TBC1D9: variants seen among roughly 807,000 people sequenced by gnomAD.
The protein encoded by TBC1D9 is TBC1 domain family member 9A.
In TBC1D9, 63 loss-of-function variants were observed where a neutral mutation model predicts 132.0. The ratio of observed to expected loss-of-function variants is 0.48; its 90% confidence interval spans 0.39 to 0.59. The LOEUF is 0.59. Among genes scored for constraint, TBC1D9 ranks in the 20% least tolerant of loss-of-function variants. The pLI, the probability that TBC1D9 is intolerant of heterozygous loss-of-function variation, is 0.00. For missense variants in TBC1D9, 1,261 were observed against 1,592.7 expected (o/e 0.79, Z 3.54); for synonymous variants, 610 against 609.9 (o/e 1.00, Z 0.00).
chr4:140,697,617 G>A (rs753818323), intron 2 of TBC1D9, among the ~76,000 whole-genome samples: 6 of 152,190 alleles, frequency 3.9e-5, no homozygotes, highest in East Asian at 3.8e-4. Context: ...CATTCACAGC[G>A]TAGTGTTCCT....
chr4:140,628,704 A>G (rs903186926), intron 16 of TBC1D9, among the ~76,000 whole-genome samples: 4 of 152,256 alleles, frequency 2.6e-5, no homozygotes, highest in Non-Finnish European at 4.4e-5. Flanking sequence ...AAGCACCTAG[A>G]ATAGTGCCTG....
intron 2 of TBC1D9, among the ~76,000 whole-genome samples, chr4:140,692,698 C>T (rs1388038576): frequency 6.6e-6 from 1 of 152,050 alleles, no homozygotes; most frequent in Non-Finnish European, 1.5e-5. Flanking sequence ...TTGTGCTTAC[C>T]AAGAATAGGC....
At chr4:140,636,122 A>C (rs1181326793) in intron 15 of TBC1D9, among the ~76,000 whole-genome samples, 7 of 152,116 alleles carry the variant, frequency 4.6e-5, no homozygotes, top group African/African-American at 7.2e-5. Flanking sequence ...TGCCCTTCAG[A>C]TCATCTCCCT....
intron 7 of TBC1D9, 135 bp downstream of exon 7, chr4:140,670,585 A>G: frequency 1.5e-6 from 1 of 667,042 alleles, no homozygotes; most frequent in Non-Finnish European, 2.6e-6. Context: ...TGAGATTTAA[A>G]TGAGATATTG....
intron 16 of TBC1D9, among the ~76,000 whole-genome samples, chr4:140,632,922 A>G (rs948979746): frequency 2.0e-5 from 3 of 152,260 alleles, no homozygotes; most frequent in African/African-American, 7.2e-5. Flanking sequence ...CTAAAGTATC[A>G]CAACAGTATC....
At chr4:140,751,984 T>A (rs1434553053) in intron 1 of TBC1D9, among the ~76,000 whole-genome samples, 1 of 151,962 alleles carries the variant, frequency 6.6e-6, no homozygotes, top group Non-Finnish European at 1.5e-5. Context: ...CTGGTGGGAG[T>A]ATATTGGTAC....
chr4:140,701,150 G>A (rs1187906168), intron 2 of TBC1D9, among the ~76,000 whole-genome samples: 2 of 152,226 alleles, frequency 1.3e-5, no homozygotes, highest in African/African-American at 4.8e-5. Flanking sequence ...CTAAGTGTGA[G>A]TGAAATGGAA....
chr4:140,666,902 C>A (rs1225903364), intron 9 of TBC1D9, among the ~76,000 whole-genome samples: 1 of 152,164 alleles, frequency 6.6e-6, no homozygotes, highest in African/African-American at 2.4e-5. Context: ...CTGGCCAAGG[C>A]CTTGTCTCTG....
intron 13 of TBC1D9, among the ~76,000 whole-genome samples, chr4:140,649,125 A>G (rs895809270): frequency 8.5e-5 from 13 of 152,254 alleles, no homozygotes; most frequent in Non-Finnish European, 1.8e-4. Flanking sequence ...TCCTCCAAAG[A>G]GAACTTGAAA....
At chr4:140,644,163 G>T in intron 13 of TBC1D9, 1 of 361,412 alleles carries the variant, frequency 2.8e-6, no homozygotes. Context: ...CCCGTAGTGT[G>T]GTGGCAGGGC....
intron 13 of TBC1D9, 44 bp downstream of exon 13, chr4:140,657,053 C>A: frequency 6.2e-7 from 1 of 1,600,938 alleles, no homozygotes; most frequent in South Asian, 1.1e-5. Context: ...GTGGAAGTGT[C>A]GAATGCATGG....
chr4:140,718,018 C>G (rs1350240442), intron 1 of TBC1D9, among the ~76,000 whole-genome samples: 1 of 152,006 alleles, frequency 6.6e-6, no homozygotes, highest in Non-Finnish European at 1.5e-5. Flanking sequence ...TGTATTAGAA[C>G]AAATAAAGCA....
Position 140,732,453 on chromosome 4 carries a change from T to C in TBC1D9, c.130+23463A>G, listed in dbSNP as rs554068547. ...AGATACTATTGTAAGATGTCTCAAA[T>C]ATAATTACAAGAAGACTTTTGGGAA... is the stretch of plus-strand genomic sequence containing the variant. On this transcript the variant is annotated intron_variant, in intron 1 of 20. Coordinates refer to ENST00000442267, the MANE Select transcript of TBC1D9 (RefSeq NM_015130.3). Among the ~76,000 whole-genome samples the C allele has an allele frequency of 7.2e-5, 11 of 152,342 alleles. 1 individual carries two copies. The South Asian group carries it at 2.3e-3, about 32-fold the overall frequency.
intron 1 of TBC1D9, among the ~76,000 whole-genome samples, chr4:140,751,624 A>G (rs1486739596): frequency 6.6e-6 from 1 of 152,218 alleles, no homozygotes; most frequent in Non-Finnish European, 1.5e-5. Context: ...TTTAAAAATT[A>G]AGAATCTCTG....
intron 1 of TBC1D9, among the ~76,000 whole-genome samples, chr4:140,733,133 GA>G (rs1738623839): frequency 6.6e-6 from 1 of 151,748 alleles, no homozygotes; most frequent in Admixed American, 6.6e-5. Context: ...ATCCATGGTG[GA>G]AAAACAAAAA....
chr4:140,634,349 C>T (rs1303318881), intron 15 of TBC1D9, among the ~76,000 whole-genome samples, 161 bp from the exon 16 acceptor site: 1 of 152,174 alleles, frequency 6.6e-6, no homozygotes, highest in African/African-American at 2.4e-5. Context: ...GTTCTACATA[C>T]ACCTCCACTT....
At chr4:140,711,434 G>A (rs76313398) in intron 1 of TBC1D9, among the ~76,000 whole-genome samples, 1 of 152,040 alleles carries the variant, frequency 6.6e-6, no homozygotes, top group Admixed American at 6.6e-5. Context: ...GGATACCTGG[G>A]GGCAATACCC....
At chr4:140,672,233 A>T (rs1737549285) in intron 6 of TBC1D9, among the ~76,000 whole-genome samples, 1 of 149,252 alleles carries the variant, frequency 6.7e-6, no homozygotes, top group South Asian at 2.1e-4. Context: ...AATATACATT[A>T]TATATTAAAC....
At chr4:140,677,683 C>A (rs767028689) in intron 5 of TBC1D9, among the ~76,000 whole-genome samples, 1 of 152,178 alleles carries the variant, frequency 6.6e-6, no homozygotes, top group African/African-American at 2.4e-5. Flanking sequence ...CCTCTCCCCT[C>A]AAGCTTCTAC....
Sources: allele counts gnomAD v4.1 joint callset (sites outside exome capture counted in the v4.1 genomes callset), GRCh38; gene constraint gnomAD v4.1.1; transcripts MANE v1.5; gene names NCBI Gene and HGNC (gene_info 2026-07-23, HGNC 2026-07-21).